The following SYNPR variants were observed in gnomAD, a reference collection of about 807,000 sequenced individuals.
The protein encoded by SYNPR is synaptoporin.
A neutral mutation model predicts 32.9 loss-of-function variants in SYNPR; 23 were observed. That is an observed-to-expected ratio of 0.70 (90% confidence interval 0.50 to 0.99). SYNPR has a LOEUF of 0.99. SYNPR is among the 50% of genes least tolerant of loss of function. The pLI is 0.00. For missense variants in SYNPR, 318 were observed against 349.3 expected (o/e 0.91, Z 0.71); for synonymous variants, 146 against 135.9 (o/e 1.07, Z -0.52).
intron 2 of SYNPR, among the ~76,000 whole-genome samples, chr3:63,364,826 G>A (rs1326959159): frequency 2.0e-5 from 3 of 152,150 alleles, no homozygotes; most frequent in Non-Finnish European, 4.4e-5. Flanking sequence ...GATGGGATGT[G>A]GGACGTGGGA....
At chr3:63,305,861 T>A (rs1194870742) in intron 2 of SYNPR, among the ~76,000 whole-genome samples, 3 of 151,998 alleles carry the variant, frequency 2.0e-5, no homozygotes, top group Admixed American at 1.3e-4. Context: ...TGGAAAGTCC[T>A]GAGTCTCAAG....
At chr3:63,297,612 C>T (rs947116914) in intron 2 of SYNPR, among the ~76,000 whole-genome samples, 51 of 152,266 alleles carry the variant, frequency 3.3e-4, no homozygotes, top group African/African-American at 8.4e-4. Context: ...ATCAGAAAAG[C>T]GCATTGAGAC....
chr3:63,276,355 ACCT>A (rs2086573761), upstream of SYNPR, among the ~76,000 whole-genome samples: 1 of 151,998 alleles, frequency 6.6e-6, no homozygotes, highest in Admixed American at 6.6e-5. Context: ...TCTGATATGG[ACCT>A]CTGAGTCTTC....
intron 4 of SYNPR, among the ~76,000 whole-genome samples, chr3:63,605,198 C>T (rs2106897953): frequency 6.6e-6 from 1 of 152,276 alleles, no homozygotes; most frequent in Admixed American, 6.5e-5. Flanking sequence ...GAAAGGTGTA[C>T]ATTTTAATTG....
At chr3:63,421,855 A>G (rs1285240222) in intron 2 of SYNPR, among the ~76,000 whole-genome samples, 1 of 152,160 alleles carries the variant, frequency 6.6e-6, no homozygotes, top group African/African-American at 2.4e-5. Flanking sequence ...CACACATGGC[A>G]GTTTGGTTCT....
Position 63,355,232 on chromosome 3 carries a change from T to G in SYNPR, c.84+76490T>G, listed in dbSNP as rs549860513. On this transcript the variant is annotated intron_variant, in intron 2 of 5. Coordinates refer to ENST00000478300, the MANE Select transcript of SYNPR (RefSeq NM_001130003.2). ...AGGTGGAGGTTGCGGTGAGCCAAGATCATGCCACTGCACTCCAGCCTGGGT... is the reference window on the plus strand; with the variant it reads ...AGGTGGAGGTTGCGGTGAGCCAAGAGCATGCCACTGCACTCCAGCCTGGGT... Among the ~76,000 whole-genome samples the G allele has an allele frequency of 6.7e-5, 10 of 148,714 alleles. 1 individual carries two copies. In the South Asian group the frequency reaches 2.1e-3, roughly 32 times the overall value.
chr3:63,604,056 T>C (rs1294645777), intron 4 of SYNPR, among the ~76,000 whole-genome samples: 4 of 152,172 alleles, frequency 2.6e-5, no homozygotes, highest in African/African-American at 7.2e-5. Flanking sequence ...GGGATTCATC[T>C]TCCTCCTGGT....
At chr3:63,330,887 T>C (rs915515600) in intron 2 of SYNPR, among the ~76,000 whole-genome samples, 1 of 152,116 alleles carries the variant, frequency 6.6e-6, no homozygotes, top group African/African-American at 2.4e-5. Context: ...AATCGTGTAA[T>C]GAATAGCCCC....
chr3:63,549,786 G>C (rs1403917450), intron 3 of SYNPR, among the ~76,000 whole-genome samples: 1 of 152,098 alleles, frequency 6.6e-6, no homozygotes, highest in East Asian at 1.9e-4. Flanking sequence ...TGAAGCATCA[G>C]TGAAATGTTT....
At chr3:63,336,519 C>CAAAAAAAA (rs3082131) in intron 2 of SYNPR, among the ~76,000 whole-genome samples, 32 of 48,836 alleles carry the variant, frequency 6.6e-4, no homozygotes, top group Non-Finnish European at 9.3e-4. Context: ...CATTCCCATG[C>CAAAAAAAA]AAAAAAAAAA....
At chr3:63,588,237 A>C (rs1008549934) in intron 4 of SYNPR, among the ~76,000 whole-genome samples, 2 of 152,092 alleles carry the variant, frequency 1.3e-5, no homozygotes, top group Non-Finnish European at 2.9e-5. Flanking sequence ...ACAAAAGAAC[A>C]AATTGTGAGG....
chr3:63,352,113 C>G (rs1343754837), intron 2 of SYNPR, among the ~76,000 whole-genome samples: 1 of 152,010 alleles, frequency 6.6e-6, no homozygotes, highest in African/African-American at 2.4e-5. Context: ...GGGGTGGAAA[C>G]AGAGAGAATG....
chr3:63,571,805 A>G (rs776124738), intron 4 of SYNPR, among the ~76,000 whole-genome samples: 4 of 152,170 alleles, frequency 2.6e-5, no homozygotes, highest in Non-Finnish European at 5.9e-5. Context: ...CAGAAGAAAA[A>G]AATTGTCTGG....
intron 2 of SYNPR, among the ~76,000 whole-genome samples, chr3:63,329,692 A>T (rs544512811): frequency 6.6e-6 from 1 of 152,268 alleles, no homozygotes; most frequent in Admixed American, 6.5e-5. Context: ...CTGGGTAATA[A>T]ATCATATGGC....
intron 2 of SYNPR, among the ~76,000 whole-genome samples, chr3:63,335,197 C>CA (rs1235152693): frequency 1.3e-5 from 2 of 151,788 alleles, no homozygotes; most frequent in South Asian, 2.1e-4. Flanking sequence ...TACTGAAAAA[C>CA]AAAAAATTAG....
At chr3:63,319,519 T>C (rs56273503) in intron 2 of SYNPR, among the ~76,000 whole-genome samples, 19,306 of 151,110 alleles carry the variant, frequency 0.13, 1,336 homozygotes, top group Non-Finnish European at 0.16. Context: ...CCATTCACAA[T>C]AGCAACTAAT....
At chr3:63,526,448 T>C (rs908147625) in intron 3 of SYNPR, among the ~76,000 whole-genome samples, 4 of 152,222 alleles carry the variant, frequency 2.6e-5, no homozygotes, top group Non-Finnish European at 5.9e-5. Context: ...TCATTGCTTA[T>C]ATCCTCAGTA....
At chr3:63,424,478 A>G (rs1699857030) in intron 2 of SYNPR, among the ~76,000 whole-genome samples, 1 of 152,198 alleles carries the variant, frequency 6.6e-6, no homozygotes, top group Admixed American at 6.5e-5. Context: ...AATGATTGAG[A>G]CATTAAATAG....
chr3:63,439,819 G>C (rs757904383), intron 2 of SYNPR, among the ~76,000 whole-genome samples: 3 of 152,102 alleles, frequency 2.0e-5, no homozygotes, highest in Non-Finnish European at 4.4e-5. Context: ...AACCTCCTTT[G>C]AAAAAATTAG....
Sources: gnomAD v4.1 joint callset for allele counts (sites outside exome capture counted in the v4.1 genomes callset) on GRCh38, gnomAD v4.1.1 for gene constraint, MANE v1.5 for transcripts, NCBI Gene and HGNC (gene_info 2026-07-23, HGNC 2026-07-21) for gene names.